The following SMYD2 variants were observed in gnomAD, a reference collection of about 807,000 sequenced individuals.
SMYD2 encodes N-lysine methyltransferase SMYD2.
In SMYD2, 53 loss-of-function variants were observed where a neutral mutation model predicts 59.1. The ratio of observed to expected loss-of-function variants is 0.90; its 90% CI spans 0.72 to 1.13. The LOEUF (loss-of-function observed/expected upper bound fraction) is 1.13. SMYD2 is among the 50% of genes most tolerant of loss of function. SMYD2 has a pLI of 0.00. For missense variants in SMYD2, 494 were observed against 544.7 expected (o/e 0.91, Z 0.93); for synonymous variants, 208 against 198.8 (o/e 1.05, Z -0.39).
chr1:214,297,599 A>T (rs1039898986), intron 1 of SMYD2, among the ~76,000 whole-genome samples: 4 of 152,188 alleles, frequency 2.6e-5, no homozygotes, highest in South Asian at 2.1e-4. Context: ...TGCAGGTACC[A>T]GCTCAGCAAG....
intron 7 of SMYD2, among the ~76,000 whole-genome samples, chr1:214,328,792 C>T (rs1336605873): frequency 1.3e-5 from 2 of 152,214 alleles, no homozygotes; most frequent in South Asian, 2.1e-4. Context: ...AAATCCATTA[C>T]GATGAGGGTG....
At chr1:214,328,429 G>A (rs1023089039) in intron 7 of SMYD2, among the ~76,000 whole-genome samples, 1 of 151,240 alleles carries the variant, frequency 6.6e-6, no homozygotes, top group South Asian at 2.1e-4. Flanking sequence ...CCTGCTCAGC[G>A]ATTCCCTGTT....
At position 214,332,179 on chromosome 1, in the gene SMYD2, A is replaced by G. The variant is rs1223269845; in HGVS notation, c.1099A>G (p.Ile367Val). Reference sequence around the variant, plus strand: ...AGCCCTGCAATATGGACAGAAAATCATTAAGCCCTACAGGTGATTGCAGAG... The same window carrying G: ...AGCCCTGCAATATGGACAGAAAATCGTTAAGCCCTACAGGTGATTGCAGAG... ...EGALQYGQKI[I>V]KPYSKHYPLY... The change falls in exon 10 of 12, where the codon ATT (isoleucine) becomes GTT (valine). Residue 367 changes from isoleucine (I) to valine (V), a missense_variant. Coordinates refer to ENST00000366957, the MANE Select transcript of SMYD2 (RefSeq NM_020197.3). 7 of 1,614,074 alleles carry G rather than the reference A, an allele frequency of 4.3e-6. No individual in the cohort carries two copies. Among genetic ancestry groups the G allele is most frequent in the Admixed American group, 3.3e-5 (2 of 60,012 alleles).
At position 214,312,957 on chromosome 1, in the gene SMYD2, A is replaced by G. The variant is rs1035226713; in HGVS notation, c.238-1805A>G. On this transcript the variant is annotated intron_variant, in intron 2 of 11. Coordinates refer to ENST00000366957, the MANE Select transcript of SMYD2 (RefSeq NM_020197.3). The surrounding 1 kb of genome is among the most constrained non-coding windows in gnomAD (Gnocchi z 4.1). Reference sequence around the variant, plus strand: ...TCCAGTTAGAAGGCAGTGGCAGGACATTAGTCATGAGAGATGTTGGGGCTG... The same window carrying G: ...TCCAGTTAGAAGGCAGTGGCAGGACGTTAGTCATGAGAGATGTTGGGGCTG... 5.3e-5 allele frequency among the ~76,000 whole-genome samples: 8 copies of G among 152,192 alleles called. No individual in the cohort carries two copies. The highest frequency in any genetic ancestry group is 1.7e-4 in the African/African-American group (7 of 41,448).
rs144772390 is a variant in SMYD2, at chr1:214,294,394, G to A, written c.174-10793G>A. 2.2e-4 allele frequency among the ~76,000 whole-genome samples: 34 copies of A among 152,328 alleles called. No individual in the cohort carries two copies. In the East Asian group the frequency reaches 3.1e-3, roughly 14 times the overall value. On this transcript the variant is annotated intron_variant, in intron 1 of 11. Transcript: ENST00000366957. ...AAAGATAACATTTTCCAGGCCAGGC[G>A]CGGTGGCTTACGCCTATATTCCCAA...
In SMYD2 at chr1:214,312,492, G is replaced by A. The variant is rs1217991585; in HGVS notation, c.238-2270G>A. ...GTACTAAGAAGCAGCAGAAAGCAAGGAAAGGAAGAATGATGGGGAAGTGCT... is the reference window on the plus strand; with the variant it reads ...GTACTAAGAAGCAGCAGAAAGCAAGAAAAGGAAGAATGATGGGGAAGTGCT... On this transcript the variant is annotated intron_variant, in intron 2 of 11. Coordinates refer to ENST00000366957, the MANE Select transcript of SMYD2 (RefSeq NM_020197.3). The surrounding 1 kb of genome is among the most constrained non-coding windows in gnomAD (Gnocchi z 4.1). Among the ~76,000 whole-genome samples, 1 of 152,224 alleles carries A rather than the reference G, an allele frequency of 6.6e-6. No individual in the cohort carries two copies. The highest frequency in any genetic ancestry group is 2.4e-5 in the African/African-American group (1 of 41,452).
At chr1:214,284,124 A>G (rs1044728678) in intron 1 of SMYD2, among the ~76,000 whole-genome samples, 1 of 152,138 alleles carries the variant, frequency 6.6e-6, no homozygotes, top group East Asian at 1.9e-4. Context: ...GGCAGCTCCT[A>G]ATAATATTAT....
intron 1 of SMYD2, among the ~76,000 whole-genome samples, chr1:214,298,654 G>A (rs1275853150): frequency 1.3e-5 from 2 of 152,074 alleles, no homozygotes; most frequent in African/African-American, 4.8e-5. Context: ...TCTGACAAAG[G>A]TCTAATATCC....
chr1:214,284,253 G>GTTTTTTTTTT (rs1259451106), intron 1 of SMYD2, among the ~76,000 whole-genome samples: 1 of 76,820 alleles, frequency 1.3e-5, no homozygotes, highest in Admixed American at 1.4e-4. Context: ...TTTTTGGTGT[G>GTTTTTTTTTT]GTTTTTTTTT....
rs1259024140 is a variant in SMYD2 at position 214,312,502 on chromosome 1, A to G, written c.238-2260A>G. 6.6e-6 allele frequency among the ~76,000 whole-genome samples: 1 copy of G among 152,250 alleles called. No homozygotes were observed. The highest frequency in any genetic ancestry group is 2.4e-5 in the African/African-American group (1 of 41,460). Reference sequence around the variant, plus strand: ...GCAGCAGAAAGCAAGGAAAGGAAGAATGATGGGGAAGTGCTCTTTCTGACA... The same window carrying G: ...GCAGCAGAAAGCAAGGAAAGGAAGAGTGATGGGGAAGTGCTCTTTCTGACA... On this transcript the variant is annotated intron_variant, in intron 2 of 11. Transcript: ENST00000366957. The surrounding 1 kb of genome is among the most constrained non-coding windows in gnomAD (Gnocchi z 4.1).
At chr1:214,332,302 C>T in intron 10 of SMYD2, 110 bp downstream of exon 10, 2 of 1,294,498 alleles carry the variant, frequency 1.5e-6, no homozygotes, top group Non-Finnish European at 2.1e-6. Flanking sequence ...AGCGCAGCTG[C>T]CTCTTCTCTG....
intron 2 of SMYD2, among the ~76,000 whole-genome samples, chr1:214,311,715 TA>T (rs1297405741): frequency 5.3e-5 from 8 of 152,168 alleles, no homozygotes; most frequent in Non-Finnish European, 8.8e-5. Flanking sequence ...AATAAATTGA[TA>T]TTTTATAAAT....
intron 2 of SMYD2, among the ~76,000 whole-genome samples, chr1:214,308,935 C>T (rs917199203): frequency 6.6e-6 from 1 of 152,126 alleles, no homozygotes; most frequent in African/African-American, 2.4e-5. Context: ...AGAGAAGTGG[C>T]CTTCAGTGGA....
chr1:214,294,063 T>C (rs375437111), intron 1 of SMYD2, among the ~76,000 whole-genome samples: 2 of 152,250 alleles, frequency 1.3e-5, no homozygotes, highest in East Asian at 1.9e-4. Flanking sequence ...CACTTTTGAA[T>C]AGAAATTACT....
intron 11 of SMYD2, among the ~76,000 whole-genome samples, 165 bp from the exon 12 acceptor site, chr1:214,336,539 A>AT (rs1571937780): frequency 6.6e-6 from 1 of 152,332 alleles, no homozygotes. Flanking sequence ...CTCAAAATAA[A>AT]TAAATAAATT....
In SMYD2 at chr1:214,331,073, A is replaced by G; in HGVS notation, c.937+3A>G. On this transcript the variant is annotated splice_donor_region_variant and intron_variant, in intron 9 of 11. Transcript: ENST00000366957. ...CCGGAGGGCCAAGCACTATAAATATATCCTTTACAACTGCCCTGATAGCTT... is the reference window on the plus strand; with the variant it reads ...CCGGAGGGCCAAGCACTATAAATATGTCCTTTACAACTGCCCTGATAGCTT... 1.2e-6 allele frequency: 2 copies of G among 1,614,068 alleles called. No individual in the cohort carries two copies. Among genetic ancestry groups the G allele is most frequent in the Non-Finnish European group, 1.7e-6 (2 of 1,179,942 alleles).
intron 11 of SMYD2, among the ~76,000 whole-genome samples, chr1:214,336,455 C>T (rs560487577): frequency 4.3e-4 from 65 of 152,300 alleles, no homozygotes; most frequent in African/African-American, 1.4e-3. Flanking sequence ...TGGCGTGAAC[C>T]CGGGATGCGG....
In SMYD2 at chr1:214,306,243, G is replaced by A. The variant is rs141867718; in HGVS notation, c.237+993G>A. On this transcript the variant is annotated intron_variant, in intron 2 of 11. Transcript: ENST00000366957. ...ATCCCCACCCTCCAGCCCCATCCCC[G>A]GTCTACTTTGGATTACCCACTATTT... Among the ~76,000 whole-genome samples, 545 of 150,508 alleles carry A rather than the reference G, an allele frequency of 3.6e-3. 3 individuals are homozygous for A. Among genetic ancestry groups the A allele is most frequent in the African/African-American group, 0.013 (527 of 41,008 alleles).
Position 214,330,983 on chromosome 1 carries a change from G to A in SMYD2, c.850G>A (p.Asp284Asn), listed in dbSNP as rs943544949. The change falls in exon 9 of 12, where the codon GAT (aspartate) becomes AAT (asparagine). Residue 284 changes from aspartate to asparagine, a missense_variant. Asp to Asn is a conservative substitution (Grantham distance 23). Transcript: ENST00000366957. ...KAKVEIRKLS[D>N]PPKAEAIRDM... ...CAAGGTGGAAATCCGGAAGCTCAGC[G>A]ATCCCCCAAAGGCAGAAGCCATCCG... 31 of 1,614,070 alleles carry A rather than the reference G, an allele frequency of 1.9e-5. No individual in the cohort carries two copies. Among genetic ancestry groups the A allele is most frequent in the African/African-American group, 4.0e-5 (3 of 74,928 alleles).
Sources: allele counts gnomAD v4.1 joint callset (sites outside exome capture counted in the v4.1 genomes callset), GRCh38; gene constraint gnomAD v4.1.1; non-coding constraint Gnocchi (gnomAD v3.1); transcripts MANE v1.5; gene names NCBI Gene and HGNC (gene_info 2026-07-23, HGNC 2026-07-21).